Variants in KCNQ1 observed in about 807,000 individuals in gnomAD.
KCNQ1 encodes the protein potassium voltage-gated channel subfamily Q member 1, also known as potassium voltage-gated channel subfamily KQT member 1.
KCNQ1 carries 49 observed loss-of-function variants against 72.4 expected under a neutral mutation model. That is an observed-to-expected ratio of 0.68 (90% confidence interval 0.54 to 0.86). The LOEUF (loss-of-function observed/expected upper bound fraction) is 0.86, where lower values mean the gene tolerates loss of function less well. KCNQ1 is among the 40% of genes least tolerant of loss of function. The probability of loss-of-function intolerance (pLI) is 0.00; values close to 1 mark genes in which losing one functional copy is unlikely to be tolerated. For missense variants in KCNQ1, 790 were observed against 945.1 expected (o/e 0.84, Z 2.15); for synonymous variants, 450 against 412.6 (o/e 1.09, Z -1.10).
rs984880229 is a variant in KCNQ1 at position 2,471,576 on chromosome 11, G to A, written c.386+26092G>A. ...CACAGGCACATGTGTATGTGTGTGT[G>A]TGCACGTGTGTATGGGTGCGTGTGC... On this transcript the variant is annotated intron_variant, in intron 1 of 15. Transcript: ENST00000155840. This position sits in a 1 kb window ranked among gnomAD's most constrained non-coding sequence, Gnocchi z 4.8. Among the ~76,000 whole-genome samples, 3 of 140,644 alleles carry A rather than the reference G, an allele frequency of 2.1e-5. No individual in the cohort carries two copies. The highest frequency in any genetic ancestry group is 7.6e-5 in the African/African-American group (3 of 39,726). 92.3% of individuals were successfully genotyped at this position (140,644 alleles called of 152,430 possible).
At chr11:2,597,424 G>A (rs980701504) in intron 10 of KCNQ1, among the ~76,000 whole-genome samples, 5 of 151,998 alleles carry the variant, frequency 3.3e-5, no homozygotes, top group Admixed American at 6.6e-5. Flanking sequence ...GCAAACCACC[G>A]ACATACCCAT....
In KCNQ1 at chr11:2,713,440, C is replaced by A. The variant is rs1851039560; in HGVS notation, c.1514+51359C>A. On this transcript the variant is annotated intron_variant, in intron 11 of 15. Coordinates refer to ENST00000155840, the MANE Select transcript of KCNQ1 (RefSeq NM_000218.3). The surrounding 1 kb of genome is among the most constrained non-coding windows in gnomAD (Gnocchi z 5.6). ...GCTACAGAAATGGTTTCTTCTCCCC[C>A]AGATTCCAGAACAAGTCACAGCCAT... Among the ~76,000 whole-genome samples, 1 of 152,198 alleles carries A rather than the reference C, an allele frequency of 6.6e-6. No homozygotes were observed. Among genetic ancestry groups the A allele is most frequent in the East Asian group, 1.9e-4 (1 of 5,200 alleles).
At chr11:2,571,483 C>T in intron 4 of KCNQ1, 80 bp downstream of exon 4, 1 of 1,171,136 alleles carries the variant, frequency 8.5e-7, no homozygotes, top group Non-Finnish European at 1.3e-6. Context: ...GTCTCACGCC[C>T]CATCCACCTT....
At position 2,473,481 on chromosome 11, in the gene KCNQ1, G is replaced by A. The variant is rs980955977; in HGVS notation, c.386+27997G>A. 1.3e-5 allele frequency among the ~76,000 whole-genome samples: 2 copies of A among 152,168 alleles called. No individual in the cohort carries two copies. The highest frequency in any genetic ancestry group is 4.8e-5 in the African/African-American group (2 of 41,428). On this transcript the variant is annotated intron_variant, in intron 1 of 15. Coordinates refer to ENST00000155840, the MANE Select transcript of KCNQ1 (RefSeq NM_000218.3). The surrounding 1 kb of genome is among the most constrained non-coding windows in gnomAD (Gnocchi z 6.0). ...AGCGGGTTGGGAAAGGAAAGGGTCT[G>A]TGCTGGGAAATCCAAGGGGCAAGGC... is the stretch of plus-strand genomic sequence containing the variant.
rs140711836 is a variant in KCNQ1 at position 2,657,899 on chromosome 11, C to T, written c.1394-4062C>T. 1.5e-4 allele frequency: 61 copies of T among 398,582 alleles called. No individual in the cohort carries two copies. In the East Asian group the frequency reaches 2.1e-3, roughly 14 times the overall value. The allele number at this position is 398,582 out of a possible 1,614,324, so 24.7% of individuals were successfully genotyped here. ...GGCCAGTGAGGTGAGATGCTTTCCT[C>T]ATTGTGGAACATGACATCAACATGG... On this transcript the variant is annotated intron_variant, in intron 10 of 15. Transcript: ENST00000155840. The surrounding 1 kb of genome is among the most constrained non-coding windows in gnomAD (Gnocchi z 4.8).
At chr11:2,648,106 G>A (rs1849695031) in intron 10 of KCNQ1, 1 of 392,892 alleles carries the variant, frequency 2.5e-6, no homozygotes, top group Non-Finnish European at 4.5e-6. Flanking sequence ...CTCAGAAGCT[G>A]AGGCAGGAGG....
rs143078750 is a variant in KCNQ1, at chr11:2,694,799, C to A, written c.1514+32718C>A. 2.3e-3 allele frequency: 900 copies of A among 398,562 alleles called. 11 individuals carry two copies. The highest frequency in any genetic ancestry group is 0.017 in the African/African-American group (835 of 48,718). 24.7% of individuals were successfully genotyped at this position (398,562 alleles called of 1,614,324 possible). Reference sequence around the variant, plus strand: ...GCTTTGCAGAGACTCGAAAGGTAGTCGTCAGCTAGTGAGTGACTGAAGGGG... The same window carrying A: ...GCTTTGCAGAGACTCGAAAGGTAGTAGTCAGCTAGTGAGTGACTGAAGGGG... On this transcript the variant is annotated intron_variant, in intron 11 of 15. Transcript: ENST00000155840.
At chr11:2,556,221 A>T (rs76500543) in intron 2 of KCNQ1, among the ~76,000 whole-genome samples, 1 of 152,302 alleles carries the variant, frequency 6.6e-6, no homozygotes, top group Non-Finnish European at 1.5e-5. Flanking sequence ...CACCAGTTGT[A>T]TGGGAATAGG....
chr11:2,611,564 T>G lies in KCNQ1; in HGVS notation c.1393+22710T>G, dbSNP rs940350319. 1.0e-5 allele frequency: 4 copies of G among 398,488 alleles called. No homozygotes were observed. The highest frequency in any genetic ancestry group is 8.2e-5 in the African/African-American group (4 of 48,636). The allele number at this position is 398,488 out of a possible 1,614,324, so 24.7% of individuals were successfully genotyped here. On this transcript the variant is annotated intron_variant, in intron 10 of 15. Coordinates refer to ENST00000155840, the MANE Select transcript of KCNQ1 (RefSeq NM_000218.3). The surrounding 1 kb of genome is among the most constrained non-coding windows in gnomAD (Gnocchi z 5.3). ...TCTAGCTTTCTTATTACTGTTTGCATGTCATCTTTTTCCATCATTTTACTT... is the reference window on the plus strand; with the variant it reads ...TCTAGCTTTCTTATTACTGTTTGCAGGTCATCTTTTTCCATCATTTTACTT...
rs199473395 is a variant in KCNQ1, at chr11:2,570,691, C to T, written c.541C>T (p.Arg181Cys). ...YVVRLWSAGC[R>C]SKYVGLWGRL... ...GGTCCGCCTCTGGTCCGCCGGCTGC[C>T]GCAGCAAGTACGTGGGCCTCTGGGG... Residue 181 changes from arginine to cysteine, a missense_variant, in exon 3 of 16, where the codon CGC (arginine) becomes TGC (cysteine). Physicochemically the swap from Arg to Cys is radical, Grantham distance 180 (BLOSUM62 -3). Coordinates refer to ENST00000155840, the MANE Select transcript of KCNQ1 (RefSeq NM_000218.3). 1.9e-5 allele frequency: 31 copies of T among 1,612,594 alleles called. No individual in the cohort carries two copies. The highest frequency in any genetic ancestry group is 5.0e-5 in the Admixed American group (3 of 60,004).
chr11:2,556,063 G>A (rs114958473), intron 2 of KCNQ1, among the ~76,000 whole-genome samples: 226 of 152,306 alleles, frequency 1.5e-3, no homozygotes, highest in African/African-American at 5.2e-3. Flanking sequence ...AGGTGGGTTC[G>A]TTCTGAGGCT....
rs1429761514 is a variant in KCNQ1 at position 2,495,365 on chromosome 11, T to C, written c.387-32563T>C. Among the ~76,000 whole-genome samples the C allele has an allele frequency of 6.6e-6, 1 of 152,196 alleles. No individual in the cohort carries two copies. The highest frequency in any genetic ancestry group is 1.5e-5 in the Non-Finnish European group (1 of 68,036). On this transcript the variant is annotated intron_variant, in intron 1 of 15. Transcript: ENST00000155840. This position sits in a 1 kb window ranked among gnomAD's most constrained non-coding sequence, Gnocchi z 4.6. ...GTTCTGCTCTGATCTTAGTTATTTC[T>C]TGTCTTCTGCTAGCTTTTGAATTTG...
chr11:2,615,140 T>A (rs922753133), intron 10 of KCNQ1: 37 of 398,210 alleles, frequency 9.3e-5, no homozygotes, highest in Middle Eastern at 1.2e-3. Flanking sequence ...CTAGCTATTT[T>A]ACTCTTTTTG....
Position 2,759,937 on chromosome 11 carries a change from A to T in KCNQ1, c.1515-8907A>T, listed in dbSNP as rs1440852902. ...CATGCCAGCCCCTACCCTGGGCCTC[A>T]GGATCTGCCTGGATGGAGGCCAGGC... On this transcript the variant is annotated intron_variant, in intron 11 of 15. Coordinates refer to ENST00000155840, the MANE Select transcript of KCNQ1 (RefSeq NM_000218.3). The surrounding 1 kb of genome is among the most constrained non-coding windows in gnomAD (Gnocchi z 4.4). 6.6e-6 allele frequency among the ~76,000 whole-genome samples: 1 copy of T among 152,178 alleles called. No homozygotes were observed. Among genetic ancestry groups the T allele is most frequent in the Non-Finnish European group, 1.5e-5 (1 of 68,010 alleles).
chr11:2,710,854 G>A lies in KCNQ1; in HGVS notation c.1514+48773G>A, dbSNP rs1850990140. 6.6e-6 allele frequency among the ~76,000 whole-genome samples: 1 copy of A among 152,230 alleles called. No homozygotes were observed. Among genetic ancestry groups the A allele is most frequent in the Non-Finnish European group, 1.5e-5 (1 of 68,026 alleles). ...GATTTGTTTGTCTATCCTTATGCCA[G>A]TACTATATCGTCTTGATTGTTATAG... On this transcript the variant is annotated intron_variant, in intron 11 of 15. Transcript: ENST00000155840. This position sits in a 1 kb window ranked among gnomAD's most constrained non-coding sequence, Gnocchi z 4.1.
chr11:2,726,799 C>T (rs1370758397), intron 11 of KCNQ1, among the ~76,000 whole-genome samples: 1 of 152,218 alleles, frequency 6.6e-6, no homozygotes, highest in Non-Finnish European at 1.5e-5. Context: ...CATCTCCTCA[C>T]TGCTTGGCAG....
rs561189766 is a variant in KCNQ1, at chr11:2,776,819, G to A, written c.1686-167G>A. ...AGCCCCCTCGGGAGCATGGCCCTCTGGGGGGTTGGGAGTGACCTGGCAGGC... is the reference window on the plus strand; with the variant it reads ...AGCCCCCTCGGGAGCATGGCCCTCTAGGGGGTTGGGAGTGACCTGGCAGGC... On this transcript the variant is annotated intron_variant, in intron 13 of 15. Coordinates refer to ENST00000155840, the MANE Select transcript of KCNQ1 (RefSeq NM_000218.3). Among the ~76,000 whole-genome samples the A allele has an allele frequency of 9.6e-4, 146 of 152,320 alleles. 1 individual carries two copies. The highest frequency in any genetic ancestry group is 3.3e-3 in the African/African-American group (136 of 41,574).
Position 2,674,620 on chromosome 11 carries a change from C to T in KCNQ1, c.1514+12539C>T. ...AATAGGCTCTGGCTTAAAACAGTCA[C>T]AGCGAAACATGCCTTTGAATTGGAA... On this transcript the variant is annotated intron_variant, in intron 11 of 15. Transcript: ENST00000155840. The surrounding 1 kb of genome is among the most constrained non-coding windows in gnomAD (Gnocchi z 5.9). The T allele has an allele frequency of 2.5e-6, 1 of 398,592 alleles. No individual in the cohort carries two copies. Among genetic ancestry groups the T allele is most frequent in the East Asian group, 3.6e-5 (1 of 28,058 alleles). The allele number at this position is 398,592 out of a possible 1,614,324, so 24.7% of individuals were successfully genotyped here.
In KCNQ1 at chr11:2,515,084, C is replaced by T. The variant is rs1037428126; in HGVS notation, c.387-12844C>T. ...AGTACACATACTTGTCTGTTACGTG[C>T]GTAATGGTGGGGTTTGGGCTTCTCG... is the stretch of plus-strand genomic sequence containing the variant. On this transcript the variant is annotated intron_variant, in intron 1 of 15. Transcript: ENST00000155840. The surrounding 1 kb of genome is among the most constrained non-coding windows in gnomAD (Gnocchi z 4.7). Among the ~76,000 whole-genome samples the T allele has an allele frequency of 1.3e-5, 2 of 152,098 alleles. No individual in the cohort carries two copies. The highest frequency in any genetic ancestry group is 2.4e-5 in the African/African-American group (1 of 41,408).
Sources: allele counts gnomAD v4.1 joint callset (sites outside exome capture counted in the v4.1 genomes callset), GRCh38; gene constraint gnomAD v4.1.1; non-coding constraint Gnocchi (gnomAD v3.1); transcripts MANE v1.5; gene names NCBI Gene and HGNC (gene_info 2026-07-23, HGNC 2026-07-21).